RPS6KA2: variants seen among roughly 807,000 people sequenced by gnomAD.
The protein encoded by RPS6KA2 is ribosomal protein S6 kinase A2, also known as ribosomal protein S6 kinase alpha-2.
A neutral mutation model predicts 91.8 loss-of-function variants in RPS6KA2; 42 were observed. That is an observed-to-expected ratio of 0.46 (90% CI 0.36 to 0.59). The LOEUF is 0.59. Ranked by LOEUF, RPS6KA2 falls within the 20% of genes least tolerant of loss-of-function variation. RPS6KA2 has a pLI of 0.00. For synonymous variants in RPS6KA2, 414 were observed against 393.6 expected (o/e 1.05, Z -0.61); for missense variants, 798 against 978.5 (o/e 0.82, Z 2.46).
chr6:166,693,025 T>C (rs1478499077), intron 2 of RPS6KA2, among the ~76,000 whole-genome samples: 1 of 152,230 alleles, frequency 6.6e-6, no homozygotes, highest in Admixed American at 6.5e-5. Context: ...AGGCAGTTGA[T>C]TGCAGCAAGG....
intron 12 of RPS6KA2, among the ~76,000 whole-genome samples, chr6:166,451,580 C>T (rs2128456578): frequency 6.6e-6 from 1 of 152,342 alleles, no homozygotes; most frequent in African/African-American, 2.4e-5. Flanking sequence ...CCCCTACCCA[C>T]TCCAGACTCA....
chr6:166,683,399 CCCATGATCAA>C (rs2128567483), intron 2 of RPS6KA2, among the ~76,000 whole-genome samples: 1 of 152,260 alleles, frequency 6.6e-6, no homozygotes, highest in East Asian at 1.9e-4. Flanking sequence ...GTGTTTGCTC[CCCATGATCAA>C]TTATAATCTA....
chr6:166,694,263 G>A (rs920526856), intron 2 of RPS6KA2, among the ~76,000 whole-genome samples: 1 of 152,226 alleles, frequency 6.6e-6, no homozygotes, highest in African/African-American at 2.4e-5. Flanking sequence ...TCCTGTTGAA[G>A]CACTCACCTG....
intron 1 of RPS6KA2, among the ~76,000 whole-genome samples, chr6:166,624,842 C>T (rs1288426253): frequency 6.8e-6 from 1 of 147,126 alleles, no homozygotes; most frequent in Non-Finnish European, 1.5e-5. Flanking sequence ...TAGCATTGAC[C>T]TTTTTTTTTT....
At chr6:166,444,411 G>A (rs1292534132) in intron 14 of RPS6KA2, among the ~76,000 whole-genome samples, 1 of 152,202 alleles carries the variant, frequency 6.6e-6, no homozygotes, top group Non-Finnish European at 1.5e-5. Flanking sequence ...AACAAAGGCG[G>A]ACTTTAGTTT....
intron 2 of RPS6KA2, among the ~76,000 whole-genome samples, chr6:166,655,103 C>A (rs6911301): frequency 0.11 from 16,987 of 152,284 alleles, 1,128 homozygotes; most frequent in Middle Eastern, 0.16. Flanking sequence ...TCACCCAACT[C>A]TTTTCAACAG....
At chr6:166,421,068 G>T (rs1378923688) in intron 17 of RPS6KA2, among the ~76,000 whole-genome samples, 1 of 152,206 alleles carries the variant, frequency 6.6e-6, no homozygotes, top group Non-Finnish European at 1.5e-5. Context: ...GCCAGCGCAT[G>T]CTGAATGAAT....
rs964973268 is a variant in RPS6KA2, at chr6:166,435,873, C to T, written c.1333-3383G>A. ...GAAGGCGTTGCTCCTGGGGAGGCCA[C>T]GTGCTGCGTGGTTGGCGGCCCAGCC... On this transcript the variant is annotated intron_variant, in intron 14 of 20. Coordinates refer to ENST00000265678, the MANE Select transcript of RPS6KA2 (RefSeq NM_021135.6). The surrounding 1 kb of genome is among the most constrained non-coding windows in gnomAD (Gnocchi z 4.3). 2.0e-5 allele frequency among the ~76,000 whole-genome samples: 3 copies of T among 152,216 alleles called. No homozygotes were observed. The highest frequency in any genetic ancestry group is 7.2e-5 in the African/African-American group (3 of 41,460).
intron 1 of RPS6KA2, among the ~76,000 whole-genome samples, chr6:166,596,058 G>A (rs575004881): frequency 6.6e-6 from 1 of 152,204 alleles, no homozygotes; most frequent in Non-Finnish European, 1.5e-5. Flanking sequence ...GGCTTTCAAT[G>A]GGTTTAAAAT....
upstream of RPS6KA2, among the ~76,000 whole-genome samples, chr6:166,631,798 G>C (rs1431980271): frequency 6.6e-6 from 1 of 152,190 alleles, no homozygotes; most frequent in Admixed American, 6.5e-5. Flanking sequence ...CGAACACACA[G>C]AGCAGTCATA....
intron 17 of RPS6KA2, among the ~76,000 whole-genome samples, chr6:166,421,051 G>A (rs1457101262): frequency 6.6e-6 from 1 of 152,154 alleles, no homozygotes; most frequent in Non-Finnish European, 1.5e-5. Context: ...CACCATGGAG[G>A]GGACCAGCCA....
At chr6:166,469,785 C>T in intron 11 of RPS6KA2, 56 bp downstream of exon 11, 1 of 1,489,710 alleles carries the variant, frequency 6.7e-7, no homozygotes, top group South Asian at 1.1e-5. Flanking sequence ...CGTATGTTCC[C>T]TCCACCCACT....
At chr6:166,457,840 T>C (rs1011637341) in intron 12 of RPS6KA2, among the ~76,000 whole-genome samples, 2 of 152,354 alleles carry the variant, frequency 1.3e-5, no homozygotes, top group East Asian at 1.9e-4. Flanking sequence ...TCTAACTTCA[T>C]CTACCTGACA....
chr6:166,451,222 C>A lies in RPS6KA2; in HGVS notation c.1087G>T (p.Val363Phe), dbSNP rs781619977. Residue 363 changes from valine (V) to phenylalanine (F), a missense_variant, in exon 13 of 21, where the codon GTC (valine) becomes TTC (phenylalanine). Transcript: ENST00000265678. ...TARTPTDSPG[V>F]PPSANAHHLF... ...TGATGAGCGTTTGCACTCGGGGGGA[C>A]GCCAGGAGAGTCTGTAGGTGACAGG... 6.2e-7 allele frequency: 1 copy of A among 1,613,674 alleles called. No homozygotes were observed.
chr6:166,512,684 TGTCA>T (rs1292268727), intron 3 of RPS6KA2, among the ~76,000 whole-genome samples: 1 of 152,182 alleles, frequency 6.6e-6, no homozygotes, highest in African/African-American at 2.4e-5. Flanking sequence ...CCCAGCTCAC[TGTCA>T]GTGTCACTGT....
intron 2 of RPS6KA2, among the ~76,000 whole-genome samples, chr6:166,810,545 A>C (rs1779603854): frequency 6.6e-6 from 1 of 152,228 alleles, no homozygotes; most frequent in African/African-American, 2.4e-5. Context: ...AAAGTATCTT[A>C]AATAGCTGAG....
At chr6:166,775,631 T>G (rs1778595731) in intron 2 of RPS6KA2, among the ~76,000 whole-genome samples, 1 of 152,238 alleles carries the variant, frequency 6.6e-6, no homozygotes, top group South Asian at 2.1e-4. Flanking sequence ...TTTATTTGGA[T>G]TTCTGTCAGT....
intron 2 of RPS6KA2, among the ~76,000 whole-genome samples, chr6:166,671,507 C>T (rs1788471329): frequency 6.6e-6 from 1 of 152,156 alleles, no homozygotes; most frequent in East Asian, 1.9e-4. Context: ...CGCTCCACCA[C>T]ACGACTCTTC....
chr6:166,660,485 TCA>T (rs1788135069), intron 2 of RPS6KA2, among the ~76,000 whole-genome samples: 1 of 152,110 alleles, frequency 6.6e-6, no homozygotes, highest in Non-Finnish European at 1.5e-5. Flanking sequence ...TGTCTGCCTG[TCA>T]CACAAGACAT....
Sources: gnomAD v4.1 joint callset for allele counts (sites outside exome capture counted in the v4.1 genomes callset) on GRCh38, gnomAD v4.1.1 for gene constraint, Gnocchi (gnomAD v3.1) non-coding constraint, MANE v1.5 for transcripts, NCBI Gene and HGNC (gene_info 2026-07-23, HGNC 2026-07-21) for gene names.